Variants in ESD observed in about 807,000 individuals in gnomAD.
ESD encodes the protein S-formylglutathione hydrolase.
In ESD, 34 loss-of-function variants were observed where a neutral mutation model predicts 38.1. The ratio of observed to expected loss-of-function variants is 0.89; its 90% CI spans 0.68 to 1.19. The LOEUF (loss-of-function observed/expected upper bound fraction) is 1.19. Among genes scored for constraint, ESD ranks in the 50% most tolerant of loss-of-function variants. The pLI is 0.00. For missense variants in ESD, 334 were observed against 327.2 expected (o/e 1.02, Z -0.16); for synonymous variants, 97 against 107.0 (o/e 0.91, Z 0.58).
chr13:46,796,948 T>G (rs138813397), intron 1 of ESD, among the ~76,000 whole-genome samples, 157 bp downstream of exon 1: 2 of 152,224 alleles, frequency 1.3e-5, no homozygotes, highest in South Asian at 2.1e-4. Flanking sequence ...CCTCCTGTCA[T>G]GGATGGTGGC....
Position 46,791,379 on chromosome 13 carries a change from A to G in ESD, c.35T>C (p.Phe12Ser). Residue 12 changes from phenylalanine (F) to serine (S), a missense_variant, in exon 3 of 10, where the codon TTT (phenylalanine) becomes TCT (serine). By Grantham distance (155) the Phe-to-Ser change is radical. Transcript: ENST00000378720. ...TTCAAAAACTTTCTGCAATCCCCCAAAGCACTTGTTGCTGGAAATCTGCTT... is the reference window on the plus strand; with the variant it reads ...TTCAAAAACTTTCTGCAATCCCCCAGAGCACTTGTTGCTGGAAATCTGCTT... ...ALKQISSNKC[F>S]GGLQKVFEHD... The G allele has an allele frequency of 6.2e-7, 1 of 1,613,076 alleles. No homozygotes were observed. The highest frequency in any genetic ancestry group is 8.5e-7 in the Non-Finnish European group (1 of 1,179,428).
intron 3 of ESD, among the ~76,000 whole-genome samples, chr13:46,788,124 A>G (rs1051450977): frequency 3.3e-5 from 5 of 151,998 alleles, no homozygotes; most frequent in Non-Finnish European, 1.5e-5. Flanking sequence ...GCCATGTAGT[A>G]TATTAGCATT....
intron 3 of ESD, among the ~76,000 whole-genome samples, chr13:46,788,004 G>T (rs777605540): frequency 2.0e-5 from 3 of 151,834 alleles, no homozygotes; most frequent in African/African-American, 4.8e-5. Flanking sequence ...TTAACTTTCA[G>T]CTCCCTGTCT....
At chr13:46,776,029 G>C in intron 9 of ESD, 1 of 183,870 alleles carries the variant, frequency 5.4e-6, no homozygotes, top group Non-Finnish European at 1.1e-5. Context: ...AACATGGGTA[G>C]TGCCAAGAAA....
At chr13:46,784,080 C>T (rs1158423067) in intron 5 of ESD, among the ~76,000 whole-genome samples, 172 bp downstream of exon 5, 3 of 151,818 alleles carry the variant, frequency 2.0e-5, no homozygotes, top group Non-Finnish European at 4.4e-5. Flanking sequence ...GAGTAAAATT[C>T]AATGAGGAAA....
At chr13:46,793,689 T>C (rs1336432285) in intron 1 of ESD, among the ~76,000 whole-genome samples, 1 of 152,204 alleles carries the variant, frequency 6.6e-6, no homozygotes, top group Non-Finnish European at 1.5e-5. Context: ...GTCAAAACCA[T>C]CTGCTGAAGT....
chr13:46,793,834 A>C (rs941435911), intron 1 of ESD, among the ~76,000 whole-genome samples: 13 of 152,132 alleles, frequency 8.5e-5, no homozygotes, highest in African/African-American at 3.1e-4. Context: ...AGGAAGATGG[A>C]TCTATCTGGC....
Position 46,791,372 on chromosome 13 carries a change from TC to T in ESD, c.41del (p.Gly14AspfsTer13), listed in dbSNP as rs761791763. On this transcript the variant is annotated frameshift_variant, in exon 3 of 10. Transcript: ENST00000378720. LOFTEE classifies it high-confidence loss of function. ...KQISSNKCFGGLQKVFEHDSV... is the reference protein window; with the variant it reads ...KQISSNKCFGXLQKVFEHDSV... Reference sequence around the variant, plus strand: ...TGTCATGTTCAAAAACTTTCTGCAATCCCCCAAAGCACTTGTTGCTGGAAAT... The same window carrying T: ...TGTCATGTTCAAAAACTTTCTGCAATCCCCAAAGCACTTGTTGCTGGAAAT... The T allele has an allele frequency of 2.7e-4, 428 of 1,612,870 alleles. No homozygotes were observed. Among genetic ancestry groups the T allele is most frequent in the Non-Finnish European group, 3.5e-4 (410 of 1,179,386 alleles).
chr13:46,780,063 G>T (rs1874947589), intron 7 of ESD, 30 bp from the exon 8 acceptor site: 2 of 1,450,476 alleles, frequency 1.4e-6, no homozygotes, highest in Admixed American at 4.0e-5. Flanking sequence ...TTAAAAACAA[G>T]TTATATTTTG....
chr13:46,786,529 G>A (rs1875199216), intron 4 of ESD, among the ~76,000 whole-genome samples: 1 of 152,022 alleles, frequency 6.6e-6, no homozygotes, highest in South Asian at 2.1e-4. Flanking sequence ...CACTGATTAA[G>A]AGAAGCCTTA....
At chr13:46,773,666 A>T (rs1156409958) in intron 9 of ESD, among the ~76,000 whole-genome samples, 2 of 152,230 alleles carry the variant, frequency 1.3e-5, no homozygotes, top group African/African-American at 4.8e-5. Flanking sequence ...TCTTGGGAAC[A>T]GCTGTTAATA....
chr13:46,779,228 T>A (rs889581230), intron 8 of ESD, among the ~76,000 whole-genome samples: 1 of 151,778 alleles, frequency 6.6e-6, no homozygotes, highest in African/African-American at 2.4e-5. Context: ...AGAATATCTA[T>A]TTTTAAAGAC....
At chr13:46,778,733 C>T (rs186032744) in intron 8 of ESD, among the ~76,000 whole-genome samples, 8 of 151,902 alleles carry the variant, frequency 5.3e-5, no homozygotes, top group Admixed American at 5.3e-4. Flanking sequence ...CACTGATGTA[C>T]ATGCAATGTC....
chr13:46,786,160 T>C (rs1034840908), intron 4 of ESD, among the ~76,000 whole-genome samples: 2 of 152,210 alleles, frequency 1.3e-5, no homozygotes, highest in Non-Finnish European at 2.9e-5. Context: ...GCAAAATCAG[T>C]GCTCTTCATT....
At chr13:46,785,382 T>C (rs1875157602) in intron 4 of ESD, among the ~76,000 whole-genome samples, 1 of 152,162 alleles carries the variant, frequency 6.6e-6, no homozygotes. Flanking sequence ...AGTTTCTGTA[T>C]GGACATGTTT....
intron 6 of ESD, among the ~76,000 whole-genome samples, 194 bp from the exon 7 acceptor site, chr13:46,781,809 T>C (rs975480583): frequency 6.6e-6 from 1 of 151,976 alleles, no homozygotes; most frequent in Admixed American, 6.6e-5. Flanking sequence ...CTGGAAAATA[T>C]ATGGTACAGA....
chr13:46,795,361 TTAG>T (rs1364249537), intron 1 of ESD, among the ~76,000 whole-genome samples: 1 of 152,240 alleles, frequency 6.6e-6, no homozygotes, highest in East Asian at 1.9e-4. Flanking sequence ...TCATTTTTAT[TTAG>T]TATTTTAAAA....
Position 46,784,299 on chromosome 13 carries a change from G to A in ESD, c.209C>T (p.Ser70Phe). 6.2e-7 allele frequency: 1 copy of A among 1,611,822 alleles called. No homozygotes were observed. Among genetic ancestry groups the A allele is most frequent in the East Asian group, 2.2e-5 (1 of 44,854 alleles). ...NFISKSGYHQ[S>F]ASEHGLVVIA... is the part of the protein sequence containing the mutation. ...GACAACAAGACCATGTTCTGAAGCA[G>A]ACTGATGATAACCAGATTTTGATAT... is the stretch of plus-strand genomic sequence containing the variant. The change falls in exon 5 of 10, where the codon TCT becomes TTT. Residue 70 changes from serine (S) to phenylalanine (F), a missense_variant. Ser to Phe is a radical substitution (Grantham distance 155). Coordinates refer to ENST00000378720, the MANE Select transcript of ESD (RefSeq NM_001984.2).
In ESD at chr13:46,784,232, T is replaced by G. The variant is rs746426710; in HGVS notation, c.256+20A>C. The G allele has an allele frequency of 1.3e-6, 2 of 1,582,530 alleles. No individual in the cohort carries two copies. Among genetic ancestry groups the G allele is most frequent in the Admixed American group, 1.7e-5 (1 of 59,608 alleles). ...AAGATTTAGATTTTTACAAAGGATA[T>G]CTAGACCACAAACACTTACGAGGGC... On this transcript the variant is annotated intron_variant, in intron 5 of 9. Transcript: ENST00000378720.
Sources: gnomAD v4.1 joint callset for allele counts (sites outside exome capture counted in the v4.1 genomes callset) on GRCh38, gnomAD v4.1.1 for gene constraint, MANE v1.5 for transcripts, NCBI Gene and HGNC (gene_info 2026-07-23, HGNC 2026-07-21) for gene names.